Variants in MRPS28 observed in about 807,000 individuals in gnomAD.
MRPS28 encodes small ribosomal subunit protein bS1m.
A neutral mutation model predicts 10.8 loss-of-function variants in MRPS28; 7 were observed. The ratio of observed to expected loss-of-function variants is 0.65; its 90% confidence interval spans 0.37 to 1.22. The LOEUF is 1.22. MRPS28 is among the 50% of genes most tolerant of loss of function. The pLI, the probability that MRPS28 is intolerant of heterozygous loss-of-function variation, is 0.02. For synonymous variants in MRPS28, 121 were observed against 93.3 expected (o/e 1.30, Z -1.71); for missense variants, 265 against 232.9 (o/e 1.14, Z -0.90).
chr8:79,964,881 AG>A (rs891737099), intron 2 of MRPS28, among the ~76,000 whole-genome samples: 4 of 152,042 alleles, frequency 2.6e-5, no homozygotes, highest in Non-Finnish European at 5.9e-5. Flanking sequence ...CCTACAGCGA[AG>A]GAAGTGCCAT....
At chr8:79,957,161 C>T (rs1377091819) in intron 2 of MRPS28, 1 of 152,118 alleles carries the variant, frequency 6.6e-6, no homozygotes, top group African/African-American at 2.4e-5. Flanking sequence ...CTCCCTGCCA[C>T]ATTCTGTTTT....
chr8:79,944,701 C>CTTTTTTTT (rs57397948), intron 2 of MRPS28, among the ~76,000 whole-genome samples: 13 of 137,630 alleles, frequency 9.4e-5, no homozygotes, highest in Admixed American at 4.4e-4. Context: ...TTTCTTTTTT[C>CTTTTTTTT]TTTTTTTTTT....
At chr8:79,930,425 T>C (rs1806432449) in intron 2 of MRPS28, among the ~76,000 whole-genome samples, 1 of 152,254 alleles carries the variant, frequency 6.6e-6, no homozygotes, top group African/African-American at 2.4e-5. Context: ...GTAGCAAGCA[T>C]TCTATACGTT....
At chr8:79,980,998 TC>T (rs1807937846) in intron 2 of MRPS28, among the ~76,000 whole-genome samples, 1 of 152,210 alleles carries the variant, frequency 6.6e-6, no homozygotes, top group Non-Finnish European at 1.5e-5. Flanking sequence ...ACTTCAGATG[TC>T]CTCTTCAGTG....
intron 2 of MRPS28, among the ~76,000 whole-genome samples, chr8:79,940,859 A>G (rs1806748252): frequency 6.6e-6 from 1 of 152,260 alleles, no homozygotes; most frequent in Non-Finnish European, 1.5e-5. Flanking sequence ...AAGCACTGTT[A>G]AAAGAGTTTT....
intron 1 of MRPS28, among the ~76,000 whole-genome samples, chr8:80,021,315 T>A (rs917210994): frequency 4.1e-4 from 62 of 152,314 alleles, no homozygotes; most frequent in East Asian, 2.9e-3. Context: ...ATGTATTTTT[T>A]AAGTAAATAC....
At chr8:79,993,318 G>A (rs1808415835) in intron 2 of MRPS28, among the ~76,000 whole-genome samples, 1 of 152,136 alleles carries the variant, frequency 6.6e-6, no homozygotes, top group Non-Finnish European at 1.5e-5. Flanking sequence ...GGCATATGAG[G>A]CAAACTTCCT....
chr8:80,012,464 G>A (rs1442158766), intron 1 of MRPS28, among the ~76,000 whole-genome samples: 1 of 152,136 alleles, frequency 6.6e-6, no homozygotes, highest in East Asian at 1.9e-4. Context: ...TGTTTATAAA[G>A]TCTCTAAACT....
At chr8:80,013,644 A>AG in intron 1 of MRPS28, among the ~76,000 whole-genome samples, 1 of 151,170 alleles carries the variant, frequency 6.6e-6, no homozygotes, top group Non-Finnish European at 1.5e-5. Context: ...CAAAAAAAAA[A>AG]AAAAAAAAAG....
intron 2 of MRPS28, among the ~76,000 whole-genome samples, chr8:79,947,629 G>GTTTTTT (rs767221360): frequency 4.9e-4 from 53 of 109,222 alleles, no homozygotes; most frequent in African/African-American, 1.0e-3. Flanking sequence ...AATATATTAA[G>GTTTTTT]TTTTTTTTTT....
rs559766594 is a variant in MRPS28, at chr8:79,967,763, G to A, written c.395+35236C>T. Among the ~76,000 whole-genome samples, 3 of 152,168 alleles carry A rather than the reference G, an allele frequency of 2.0e-5. No homozygotes were observed. In the South Asian group the frequency reaches 6.2e-4, roughly 32 times the overall value. ...TGTGGAGGGTAGATTTCCTCAAGTAGCAAAAGACTGTACAGCAAAGAGACG... is the reference window on the plus strand; with the variant it reads ...TGTGGAGGGTAGATTTCCTCAAGTAACAAAAGACTGTACAGCAAAGAGACG... On this transcript the variant is annotated intron_variant, in intron 2 of 2. Coordinates refer to ENST00000276585, the MANE Select transcript of MRPS28 (RefSeq NM_014018.3).
chr8:79,949,422 A>G (rs2129963569), intron 2 of MRPS28, among the ~76,000 whole-genome samples: 1 of 151,920 alleles, frequency 6.6e-6, no homozygotes, highest in Admixed American at 6.5e-5. Context: ...TCAAAAAAAA[A>G]AAAAAACAAC....
chr8:79,956,284 A>G (rs1354396732), intron 2 of MRPS28, among the ~76,000 whole-genome samples: 1 of 152,126 alleles, frequency 6.6e-6, no homozygotes, highest in Non-Finnish European at 1.5e-5. Flanking sequence ...AAAATATTTT[A>G]TATCAAAATT....
In MRPS28 at chr8:79,977,628, C is replaced by T. The variant is rs145959229; in HGVS notation, c.395+25371G>A. Reference sequence around the variant, plus strand: ...GACCAGGAGTTCGAGACCTGCCTGGCCAACATGGCGAAATCCCATCTCTAC... The same window carrying T: ...GACCAGGAGTTCGAGACCTGCCTGGTCAACATGGCGAAATCCCATCTCTAC... On this transcript the variant is annotated intron_variant, in intron 2 of 2. Coordinates refer to ENST00000276585, the MANE Select transcript of MRPS28 (RefSeq NM_014018.3). Among the ~76,000 whole-genome samples the T allele has an allele frequency of 1.2e-3, 190 of 152,202 alleles. 1 individual carries two copies. Among genetic ancestry groups the T allele is most frequent in the Middle Eastern group, 3.4e-3 (1 of 294 alleles).
At chr8:79,927,772 T>G (rs1472234447) in intron 2 of MRPS28, among the ~76,000 whole-genome samples, 1 of 152,206 alleles carries the variant, frequency 6.6e-6, no homozygotes, top group Non-Finnish European at 1.5e-5. Flanking sequence ...AGATGAGACT[T>G]CATGGATCCC....
At chr8:79,935,822 A>G (rs1005229462) in intron 2 of MRPS28, among the ~76,000 whole-genome samples, 12 of 152,148 alleles carry the variant, frequency 7.9e-5, no homozygotes, top group Non-Finnish European at 1.5e-4. Context: ...ACCAAGAAAG[A>G]CTTTTCTGGT....
intron 2 of MRPS28, among the ~76,000 whole-genome samples, chr8:79,924,526 G>A (rs973212492): frequency 2.7e-4 from 41 of 151,868 alleles, no homozygotes; most frequent in African/African-American, 8.9e-4. Context: ...AAAAGCAGAG[G>A]GTCAGAAAAG....
At chr8:79,984,412 T>G (rs199993482) in intron 2 of MRPS28, among the ~76,000 whole-genome samples, 2 of 152,144 alleles carry the variant, frequency 1.3e-5, no homozygotes, top group Admixed American at 1.3e-4. Context: ...AGGATCAAAT[T>G]CACACAAAAC....
rs1442437819 is a variant in MRPS28, at chr8:79,982,183, G to T, written c.395+20816C>A. Among the ~76,000 whole-genome samples, 4 of 152,156 alleles carry T rather than the reference G, an allele frequency of 2.6e-5. No individual in the cohort carries two copies. The South Asian group carries it at 8.3e-4, about 32-fold the overall frequency. ...AATTGCTTGAACCCAGGAGGCAGAG[G>T]TTGCAGTGAGTCAAGATCGCACCAC... On this transcript the variant is annotated intron_variant, in intron 2 of 2. Transcript: ENST00000276585.
Sources: allele counts gnomAD v4.1 joint callset (sites outside exome capture counted in the v4.1 genomes callset), GRCh38; gene constraint gnomAD v4.1.1; transcripts MANE v1.5; gene names NCBI Gene and HGNC (gene_info 2026-07-23, HGNC 2026-07-21).